GPR137B: variants seen among roughly 807,000 people sequenced by gnomAD.
GPR137B encodes the protein G protein-coupled receptor 137B.
A neutral mutation model predicts 42.5 loss-of-function variants in GPR137B; 42 were observed. That is an observed-to-expected ratio of 0.99 (90% CI 0.77 to 1.28). GPR137B has a LOEUF of 1.28. Ranked by LOEUF, GPR137B falls within the 50% of genes most tolerant of loss-of-function variation. The probability of loss-of-function intolerance (pLI) is 0.00; values close to 1 mark genes in which losing one functional copy is unlikely to be tolerated. For missense variants in GPR137B, 487 were observed against 493.9 expected (o/e 0.99, Z 0.13); for synonymous variants, 218 against 209.7 (o/e 1.04, Z -0.34).
chr1:236,180,576 T>C (rs1662840980), intron 4 of GPR137B, among the ~76,000 whole-genome samples: 1 of 152,180 alleles, frequency 6.6e-6, no homozygotes, highest in African/African-American at 2.4e-5. Flanking sequence ...CATACATGTG[T>C]ACACACATAC....
At chr1:236,179,746 TG>T in intron 3 of GPR137B, 132 bp from the exon 4 acceptor site, 1 of 620,972 alleles carries the variant, frequency 1.6e-6, no homozygotes, top group Non-Finnish European at 2.8e-6. Flanking sequence ...AGGACTCTGA[TG>T]GAAGACCCAA....
chr1:236,208,019 C>CA, intron 6 of GPR137B, 31 bp from the exon 7 acceptor site: 2 of 1,526,976 alleles, frequency 1.3e-6, no homozygotes, highest in Non-Finnish European at 1.8e-6. Context: ...TATAATGTTT[C>CA]AAGTCACTGA....
At chr1:236,154,719 G>A (rs1661966424) in intron 1 of GPR137B, among the ~76,000 whole-genome samples, 1 of 152,076 alleles carries the variant, frequency 6.6e-6, no homozygotes, top group African/African-American at 2.4e-5. Context: ...ATTCTGTGAG[G>A]AGGGGCAAAA....
Position 236,156,661 on chromosome 1 carries a change from G to A in GPR137B, c.415-12045G>A, listed in dbSNP as rs781739679. Among the ~76,000 whole-genome samples, 5 of 152,190 alleles carry A rather than the reference G, an allele frequency of 3.3e-5. No individual in the cohort carries two copies. Among genetic ancestry groups the A allele is most frequent in the Non-Finnish European group, 7.3e-5 (5 of 68,038 alleles). ...GGAACCCTGCAGAAAGGAGAACTCC[G>A]GTGTCTGGATTTCGGGGACCGACTG... On this transcript the variant is annotated intron_variant, in intron 1 of 6. Transcript: ENST00000366592. This position sits in a 1 kb window ranked among gnomAD's most constrained non-coding sequence, Gnocchi z 4.8.
chr1:236,146,076 T>C (rs1185757595), intron 1 of GPR137B, among the ~76,000 whole-genome samples: 1 of 151,942 alleles, frequency 6.6e-6, no homozygotes, highest in Admixed American at 6.6e-5. Context: ...CAGGTTGGTC[T>C]CAAACTCCTG....
Position 236,183,417 on chromosome 1 carries a change from G to C in GPR137B, c.838-361G>C, listed in dbSNP as rs536796496. Among the ~76,000 whole-genome samples, 169 of 152,102 alleles carry C rather than the reference G, an allele frequency of 1.1e-3. 1 individual carries two copies. Among genetic ancestry groups the C allele is most frequent in the Non-Finnish European group, 2.3e-3 (157 of 68,018 alleles). On this transcript the variant is annotated intron_variant, in intron 4 of 6. Coordinates refer to ENST00000366592, the MANE Select transcript of GPR137B (RefSeq NM_003272.4). ...TAGATTTAAGTGAGAGTGTTAATTT[G>C]GACTTAAGAGTTTTGGGGGCATGAA...
At chr1:236,160,166 G>A (rs533330729) in intron 1 of GPR137B, among the ~76,000 whole-genome samples, 1 of 152,302 alleles carries the variant, frequency 6.6e-6, no homozygotes, top group South Asian at 2.1e-4. Flanking sequence ...CAAAGTTGCT[G>A]CAATTTCTTC....
intron 2 of GPR137B, among the ~76,000 whole-genome samples, chr1:236,170,523 G>A (rs1205433268): frequency 6.6e-6 from 1 of 152,092 alleles, no homozygotes; most frequent in East Asian, 1.9e-4. Context: ...ACGTGGCTCA[G>A]TTCACGTCTC....
At chr1:236,178,728 C>G in intron 3 of GPR137B, 92 bp downstream of exon 3, 1 of 602,510 alleles carries the variant, frequency 1.7e-6, no homozygotes, top group Non-Finnish European at 2.8e-6. Context: ...GAATTTTAGA[C>G]TTGATTTTGC....
At chr1:236,149,727 A>G (rs1349429752) in intron 1 of GPR137B, among the ~76,000 whole-genome samples, 1 of 152,246 alleles carries the variant, frequency 6.6e-6, no homozygotes, top group African/African-American at 2.4e-5. Flanking sequence ...AAGGGCAAGG[A>G]CTGTGCTCAG....
intron 5 of GPR137B, among the ~76,000 whole-genome samples, chr1:236,201,618 G>A (rs1455565286): frequency 2.6e-5 from 4 of 152,026 alleles, no homozygotes; most frequent in African/African-American, 9.7e-5. Context: ...AGTTGTGACA[G>A]TTTTTTATTA....
intron 4 of GPR137B, among the ~76,000 whole-genome samples, chr1:236,180,730 C>T (rs1249973417): frequency 1.3e-5 from 2 of 151,018 alleles, no homozygotes; most frequent in African/African-American, 4.9e-5. Flanking sequence ...AATTCTCCTG[C>T]GTCAGCCTCC....
intron 6 of GPR137B, among the ~76,000 whole-genome samples, chr1:236,205,632 C>T (rs1663636360): frequency 6.6e-6 from 1 of 152,210 alleles, no homozygotes; most frequent in Non-Finnish European, 1.5e-5. Context: ...CCTCCCGCTC[C>T]CAGGTTCAAG....
chr1:236,165,984 C>T (rs991109257), intron 1 of GPR137B, among the ~76,000 whole-genome samples: 7 of 152,196 alleles, frequency 4.6e-5, no homozygotes, highest in South Asian at 2.1e-4. Flanking sequence ...ACAGCCACTT[C>T]GTGTGTTGGG....
At chr1:236,205,608 T>A (rs1055466253) in intron 6 of GPR137B, among the ~76,000 whole-genome samples, 2 of 152,252 alleles carry the variant, frequency 1.3e-5, no homozygotes, top group Non-Finnish European at 1.5e-5. Context: ...TGGTGCAATC[T>A]TGGCTCACTG....
intron 2 of GPR137B, 108 bp downstream of exon 2, chr1:236,168,863 G>A: frequency 1.2e-6 from 1 of 838,250 alleles, no homozygotes; most frequent in South Asian, 1.4e-5. Flanking sequence ...TGAGCCGCCG[G>A]AAACAGTCCT....
intron 5 of GPR137B, among the ~76,000 whole-genome samples, chr1:236,203,270 G>T (rs544893582): frequency 6.6e-6 from 1 of 152,116 alleles, no homozygotes; most frequent in South Asian, 2.1e-4. Context: ...GTAGAGATGG[G>T]GTTTCACTGT....
intron 6 of GPR137B, chr1:236,207,116 A>G (rs1313537476): frequency 9.1e-6 from 9 of 983,990 alleles, no homozygotes; most frequent in East Asian, 1.1e-4. Flanking sequence ...GAGCTCTGAA[A>G]AGAGTCCTTG....
intron 1 of GPR137B, among the ~76,000 whole-genome samples, chr1:236,147,435 G>A (rs1661712134): frequency 6.6e-6 from 1 of 152,234 alleles, no homozygotes; most frequent in South Asian, 2.1e-4. Flanking sequence ...CATGGCTTTA[G>A]GCCCCTTTTC....
Sources: allele counts gnomAD v4.1 joint callset (sites outside exome capture counted in the v4.1 genomes callset), GRCh38; gene constraint gnomAD v4.1.1; non-coding constraint Gnocchi (gnomAD v3.1); transcripts MANE v1.5; gene names NCBI Gene and HGNC (gene_info 2026-07-23, HGNC 2026-07-21).